SLC9B2: variants seen among roughly 807,000 people sequenced by gnomAD.
The protein encoded by SLC9B2 is sodium/hydrogen exchanger 9B2.
SLC9B2 carries 39 observed loss-of-function variants against 52.2 expected under a neutral mutation model. The ratio of observed to expected loss-of-function variants is 0.75; its 90% confidence interval spans 0.58 to 0.98. SLC9B2 has a LOEUF of 0.98. SLC9B2 is among the 50% of genes least tolerant of loss of function. The pLI, the probability that SLC9B2 is intolerant of heterozygous loss-of-function variation, is 0.00. For missense variants in SLC9B2, 626 were observed against 637.5 expected (o/e 0.98, Z 0.19); for synonymous variants, 214 against 227.0 (o/e 0.94, Z 0.51).
chr4:103,057,244 GTATATATATA>G (rs56742547), intron 4 of SLC9B2, among the ~76,000 whole-genome samples: 44,809 of 137,234 alleles, frequency 0.33, 7,278 homozygotes, highest in African/African-American at 0.39. Flanking sequence ...TTAATTTTAA[GTATATATATA>G]TATATATATA....
chr4:103,018,464 G>C (rs1257720677), downstream of SLC9B2, among the ~76,000 whole-genome samples: 1 of 152,186 alleles, frequency 6.6e-6, no homozygotes, highest in Non-Finnish European at 1.5e-5. Flanking sequence ...TAGGCACACA[G>C]TGACTAAAAT....
rs775591340 is a variant in SLC9B2 at position 103,067,578 on chromosome 4, G to T, written c.-28C>A. 4.6e-6 allele frequency: 7 copies of T among 1,508,028 alleles called. No individual in the cohort carries two copies. In the African/African-American group the frequency reaches 8.3e-5, roughly 18 times the overall value. The allele number at this position is 1,508,028 out of a possible 1,614,324, so 93.4% of individuals were successfully genotyped here. A position where few individuals can be genotyped will look rare whatever the true frequency, so the allele number is the denominator to read the frequency against. Reference sequence around the variant, plus strand: ...TTTATAATTAAGAAGATGACACAGGGAAGAGGAACGAGATCTGTTTTGAAA... The same window carrying T: ...TTTATAATTAAGAAGATGACACAGGTAAGAGGAACGAGATCTGTTTTGAAA... On this transcript the variant is annotated 5_prime_UTR_variant, in exon 2 of 12. Coordinates refer to ENST00000394785, the MANE Select transcript of SLC9B2 (RefSeq NM_178833.7).
rs1743962380 is a variant in SLC9B2 at position 103,044,783 on chromosome 4, C to A, written c.996+107G>T. 6.8e-6 allele frequency: 6 copies of A among 876,506 alleles called. No individual in the cohort carries two copies. The South Asian group carries it at 9.5e-5, about 14-fold the overall frequency. The allele number at this position is 876,506 out of a possible 1,614,324, so 54.3% of individuals were successfully genotyped here. On this transcript the variant is annotated intron_variant, in intron 8 of 11. Transcript: ENST00000394785. ...CAGTAAGCAATTTTAAAATGAGGAA[C>A]CATTTGCTCAAACATGTCCTTCACA...
Position 103,026,275 on chromosome 4 carries a change from TAC to T in SLC9B2, c.*93_*94del. On this transcript the variant is annotated 3_prime_UTR_variant, in exon 12 of 12. Transcript: ENST00000394785. ...GAAACAGCTACACTTTTGGTTCTAT[TAC>T]ATTTTAAGCTTAAACATTACATATT... is the stretch of plus-strand genomic sequence containing the variant. 1 of 1,185,384 alleles carries T rather than the reference TAC, an allele frequency of 8.4e-7. No homozygotes were observed. The highest frequency in any genetic ancestry group is 1.2e-6 in the Non-Finnish European group (1 of 842,896). 73.4% of individuals were successfully genotyped at this position (1,185,384 alleles called of 1,614,324 possible). A position where few individuals can be genotyped will look rare whatever the true frequency, so the allele number is the denominator to read the frequency against.
At chr4:103,039,314 G>A (rs1743429937) in intron 9 of SLC9B2, among the ~76,000 whole-genome samples, 1 of 152,012 alleles carries the variant, frequency 6.6e-6, no homozygotes, top group African/African-American at 2.4e-5. Flanking sequence ...TTAGTGCTTC[G>A]TACAGGTTAT....
In SLC9B2 at chr4:103,051,066, T is replaced by C. The variant is rs542975010; in HGVS notation, c.443-684A>G. On this transcript the variant is annotated intron_variant, in intron 4 of 11. Transcript: ENST00000394785. ...ATGAAGGCATGAGGGGGATGTTACA[T>C]GAGCTGAGGCAGGAAGGGGGATTTA... Among the ~76,000 whole-genome samples, 188 of 151,942 alleles carry C rather than the reference T, an allele frequency of 1.2e-3. No homozygotes were observed. The Middle Eastern group carries it at 0.017, about 14-fold the overall frequency.
At chr4:103,077,076 C>T (rs1306381079), upstream of SLC9B2, 1 of 152,200 alleles carries the variant, frequency 6.6e-6, no homozygotes, top group Non-Finnish European at 1.5e-5. Context: ...TCATTTAATT[C>T]TCATTTCATG....
chr4:103,021,263 C>T (rs1210624647), downstream of SLC9B2, among the ~76,000 whole-genome samples: 2 of 152,116 alleles, frequency 1.3e-5, no homozygotes, highest in Admixed American at 1.3e-4. Flanking sequence ...ATGGAGCGCA[C>T]ATCAACAAAT....
At chr4:103,043,532 G>A in intron 8 of SLC9B2, 87 bp from the exon 9 acceptor site, 2 of 1,239,594 alleles carry the variant, frequency 1.6e-6, no homozygotes, top group Non-Finnish European at 2.2e-6. Flanking sequence ...GATTTAGAAA[G>A]AAAATAAAAA....
rs147157584 is a variant in SLC9B2, at chr4:103,067,621, A to G, written c.-42-29T>C. On this transcript the variant is annotated intron_variant, in intron 1 of 11. Coordinates refer to ENST00000394785, the MANE Select transcript of SLC9B2 (RefSeq NM_178833.7). ...TTTTGAAAGAGTATAGATATAGAGC[A>G]GTAATTTGAAAGTCTTGTGATTTCA... 348 of 1,220,686 alleles carry G rather than the reference A, an allele frequency of 2.9e-4. 3 individuals are homozygous for G. In the African/African-American group the frequency reaches 4.8e-3, roughly 17 times the overall value. 75.6% of individuals were successfully genotyped at this position (1,220,686 alleles called of 1,614,324 possible).
intron 1 of SLC9B2, among the ~76,000 whole-genome samples, chr4:103,071,378 A>ATT (rs550340712): frequency 1.3e-3 from 115 of 90,232 alleles, no homozygotes; most frequent in African/African-American, 4.1e-3. Context: ...TAATTTTTGT[A>ATT]TTTTTTTTTT....
intron 4 of SLC9B2, among the ~76,000 whole-genome samples, chr4:103,053,033 G>A (rs1220025650): frequency 2.0e-5 from 3 of 152,100 alleles, no homozygotes; most frequent in African/African-American, 7.2e-5. Flanking sequence ...GGATAGAGGA[G>A]TGTTGTTCTC....
intron 4 of SLC9B2, among the ~76,000 whole-genome samples, chr4:103,052,806 C>T (rs116478390): frequency 0.012 from 1,864 of 151,882 alleles, 36 homozygotes; most frequent in African/African-American, 0.042. Flanking sequence ...CTTAGACTCC[C>T]AAGGTGGTGG....
At chr4:103,035,055 T>G (rs935317505) in intron 9 of SLC9B2, among the ~76,000 whole-genome samples, 2 of 152,158 alleles carry the variant, frequency 1.3e-5, no homozygotes. Flanking sequence ...TTATGGCAGT[T>G]TGTTGTACAG....
chr4:103,046,894 G>C (rs937587635), intron 7 of SLC9B2, among the ~76,000 whole-genome samples, 157 bp downstream of exon 7: 5 of 152,190 alleles, frequency 3.3e-5, no homozygotes, highest in Non-Finnish European at 5.9e-5. Context: ...AAGACAGACA[G>C]CTTCTGGACC....
chr4:103,032,357 A>T (rs962468585), intron 9 of SLC9B2, among the ~76,000 whole-genome samples: 1 of 152,174 alleles, frequency 6.6e-6, no homozygotes, highest in African/African-American at 2.4e-5. Context: ...GGTTATCTCA[A>T]ATCACGCACA....
At chr4:103,037,075 G>A (rs1743244482) in intron 9 of SLC9B2, among the ~76,000 whole-genome samples, 1 of 151,778 alleles carries the variant, frequency 6.6e-6, no homozygotes, top group African/African-American at 2.4e-5. Flanking sequence ...GTGAACTGAT[G>A]TGTCTACATG....
chr4:103,049,725 A>G (rs991754396), intron 5 of SLC9B2, among the ~76,000 whole-genome samples: 8 of 152,300 alleles, frequency 5.3e-5, no homozygotes, highest in Admixed American at 2.0e-4. Context: ...GAAGAGAATG[A>G]GACCGGCTGG....
chr4:103,069,479 A>G (rs968754991), intron 1 of SLC9B2, among the ~76,000 whole-genome samples: 1 of 152,256 alleles, frequency 6.6e-6, no homozygotes, highest in Non-Finnish European at 1.5e-5. Context: ...TGGAGACAAG[A>G]ATAGTTCTAA....
Sources: gnomAD v4.1 joint callset for allele counts (sites outside exome capture counted in the v4.1 genomes callset) on GRCh38, gnomAD v4.1.1 for gene constraint, MANE v1.5 for transcripts, NCBI Gene and HGNC (gene_info 2026-07-23, HGNC 2026-07-21) for gene names.